FRAS1: variants seen among roughly 807,000 people sequenced by gnomAD.
The protein encoded by FRAS1 is Fraser extracellular matrix complex subunit 1, also known as extracellular matrix organizing protein FRAS1.
A neutral mutation model predicts 435.2 loss-of-function variants in FRAS1; 290 were observed. That is an observed-to-expected ratio of 0.67 (90% CI 0.61 to 0.73). The LOEUF is 0.73. Among genes scored for constraint, FRAS1 ranks in the 30% least tolerant of loss-of-function variants. The probability of loss-of-function intolerance (pLI) is 0.00; values close to 1 mark genes in which losing one functional copy is unlikely to be tolerated. For missense variants in FRAS1, 4,860 were observed against 5,001.5 expected (o/e 0.97, Z 0.85); for synonymous variants, 1,800 against 1,851.0 (o/e 0.97, Z 0.71).
At chr4:78,227,307 T>A (rs1447106054) in intron 2 of FRAS1, among the ~76,000 whole-genome samples, 2 of 152,250 alleles carry the variant, frequency 1.3e-5, no homozygotes, top group Non-Finnish European at 2.9e-5. Flanking sequence ...GGTGCAGTTA[T>A]GTCTCACTCA....
intron 56 of FRAS1, among the ~76,000 whole-genome samples, chr4:78,480,897 C>T (rs965133552): frequency 5.3e-5 from 8 of 152,178 alleles, no homozygotes; most frequent in African/African-American, 1.9e-4. Context: ...GGCACCATAC[C>T]GTGCATGTTC....
At chr4:78,307,058 T>TC (rs1318592341) in intron 14 of FRAS1, among the ~76,000 whole-genome samples, 8 of 152,214 alleles carry the variant, frequency 5.3e-5, no homozygotes, top group Non-Finnish European at 1.0e-4. Flanking sequence ...GGATGTCCTT[T>TC]CTGTTTGTTA....
intron 30 of FRAS1, among the ~76,000 whole-genome samples, chr4:78,401,453 C>T (rs116288927): frequency 4.3e-4 from 66 of 152,270 alleles, no homozygotes; most frequent in African/African-American, 1.4e-3. Context: ...AGAGAGAAAT[C>T]TCCAGGTGCC....
At chr4:78,281,559 G>A (rs796971678) in intron 11 of FRAS1, 126 bp downstream of exon 11, 2 of 558,714 alleles carry the variant, frequency 3.6e-6, no homozygotes, top group Non-Finnish European at 6.2e-6. Flanking sequence ...ATGGCACTAT[G>A]ATCAGGAATT....
At chr4:78,085,216 G>A (rs1421941532) in intron 2 of FRAS1, among the ~76,000 whole-genome samples, 1 of 152,050 alleles carries the variant, frequency 6.6e-6, no homozygotes, top group African/African-American at 2.4e-5. Context: ...TTTTGGATTT[G>A]ACAGATAGGA....
At chr4:78,324,989 T>C (rs1217670163) in intron 18 of FRAS1, among the ~76,000 whole-genome samples, 2 of 152,170 alleles carry the variant, frequency 1.3e-5, no homozygotes, top group Non-Finnish European at 1.5e-5. Flanking sequence ...ATTTTAAAAA[T>C]GAACTCTGTA....
intron 16 of FRAS1, among the ~76,000 whole-genome samples, chr4:78,316,808 G>C (rs1460626325): frequency 6.6e-6 from 1 of 152,204 alleles, no homozygotes; most frequent in African/African-American, 2.4e-5. Flanking sequence ...CTTTCACTGT[G>C]CTCATGCCAA....
At chr4:78,134,379 A>C (rs1296907922) in intron 2 of FRAS1, among the ~76,000 whole-genome samples, 1 of 151,552 alleles carries the variant, frequency 6.6e-6, no homozygotes, top group Non-Finnish European at 1.5e-5. Flanking sequence ...TTTTCCTGTC[A>C]CTTGTCTCTT....
chr4:78,400,877 C>T lies in FRAS1; in HGVS notation c.4119C>T (p.Tyr1373=), dbSNP rs765773001. The T allele has an allele frequency of 1.5e-5, 25 of 1,613,426 alleles. No individual in the cohort carries two copies. The highest frequency in any genetic ancestry group is 2.1e-5 in the Non-Finnish European group (25 of 1,179,656). Residue 1373 remains tyrosine, a synonymous_variant, in exon 30 of 74, where the codon TAC becomes TAT. Coordinates refer to ENST00000512123, the MANE Select transcript of FRAS1 (RefSeq NM_025074.7). ...TCATCTACAAGATTACACAAGACTA[C>T]CCCCAGTTTGGTAACTATTTTTTCC... is the stretch of plus-strand genomic sequence containing the variant. ...EEIIYKITQD[Y]PQFGEVVLLV...
intron 47 of FRAS1, among the ~76,000 whole-genome samples, chr4:78,457,034 C>CAA (rs767309283): frequency 4.2e-4 from 62 of 148,538 alleles, no homozygotes; most frequent in Non-Finnish European, 6.2e-4. Flanking sequence ...AGGCCTACCT[C>CAA]GTGCTGGATG....
chr4:78,141,640 T>C (rs1033033050), intron 2 of FRAS1, among the ~76,000 whole-genome samples: 3 of 152,050 alleles, frequency 2.0e-5, no homozygotes, highest in Admixed American at 6.6e-5. Context: ...TGATGGAGGA[T>C]CATAATGGGG....
chr4:78,198,699 G>A (rs1214599595), intron 2 of FRAS1, among the ~76,000 whole-genome samples: 3 of 151,872 alleles, frequency 2.0e-5, no homozygotes, highest in South Asian at 2.1e-4. Flanking sequence ...TTCCACCTCC[G>A]CCACCCCTGA....
At position 78,400,868 on chromosome 4, in the gene FRAS1, A is replaced by G; in HGVS notation, c.4110A>G (p.Thr1370=). 1 of 1,613,740 alleles carries G rather than the reference A, an allele frequency of 6.2e-7. No individual in the cohort carries two copies. Among genetic ancestry groups the G allele is most frequent in the Non-Finnish European group, 8.5e-7 (1 of 1,179,780 alleles). Residue 1370 remains threonine, a synonymous_variant, in exon 30 of 74, where the codon ACA becomes ACG. Coordinates refer to ENST00000512123, the MANE Select transcript of FRAS1 (RefSeq NM_025074.7). ...ASAEEIIYKI[T]QDYPQFGEVV... ...CTGAAGAAATCATCTACAAGATTAC[A>G]CAAGACTACCCCCAGTTTGGTAACT...
intron 70 of FRAS1, among the ~76,000 whole-genome samples, chr4:78,529,492 G>A (rs1033683314): frequency 6.6e-6 from 1 of 151,974 alleles, no homozygotes; most frequent in Non-Finnish European, 1.5e-5. Flanking sequence ...CCCCACTAGG[G>A]TCACCACTAA....
At chr4:78,363,374 A>G in intron 20 of FRAS1, 139 bp from the exon 21 acceptor site, 2 of 791,682 alleles carry the variant, frequency 2.5e-6, no homozygotes, top group Non-Finnish European at 3.9e-6. Context: ...TACTTTACTG[A>G]TATACACTGC....
chr4:78,242,426 G>A (rs1053940276), intron 3 of FRAS1, among the ~76,000 whole-genome samples: 3 of 152,164 alleles, frequency 2.0e-5, no homozygotes, highest in African/African-American at 4.8e-5. Flanking sequence ...AATCACCACT[G>A]TTCCTAAATT....
intron 6 of FRAS1, among the ~76,000 whole-genome samples, chr4:78,261,617 C>T (rs1726111255): frequency 6.6e-6 from 1 of 151,970 alleles, no homozygotes. Context: ...TCCTTACACC[C>T]ATACAAAAGA....
rs1019979232 is a variant in FRAS1 at position 78,308,988 on chromosome 4, G to A, written c.1678+779G>A. Reference sequence around the variant, plus strand: ...GTGTGATTAAGTTAAGGATCTTGATGTGAGGATATTATCCTGGATTATCTG... The same window carrying A: ...GTGTGATTAAGTTAAGGATCTTGATATGAGGATATTATCCTGGATTATCTG... On this transcript the variant is annotated intron_variant, in intron 15 of 73. Coordinates refer to ENST00000512123, the MANE Select transcript of FRAS1 (RefSeq NM_025074.7). Among the ~76,000 whole-genome samples the A allele has an allele frequency of 2.6e-5, 4 of 152,228 alleles. No individual in the cohort carries two copies. In the South Asian group the frequency reaches 8.3e-4, roughly 32 times the overall value.
At chr4:78,238,828 G>T (rs111666235) in intron 3 of FRAS1, among the ~76,000 whole-genome samples, 1 of 152,190 alleles carries the variant, frequency 6.6e-6, no homozygotes, top group Admixed American at 6.5e-5. Flanking sequence ...GACATAGATT[G>T]CATTGCTGAA....
Sources: allele counts gnomAD v4.1 joint callset (sites outside exome capture counted in the v4.1 genomes callset), GRCh38; gene constraint gnomAD v4.1.1; transcripts MANE v1.5; gene names NCBI Gene and HGNC (gene_info 2026-07-23, HGNC 2026-07-21).